Variants in ZNF79 observed in about 807,000 individuals in gnomAD.
ZNF79 encodes the protein zinc finger protein 79.
A neutral mutation model predicts 14.9 loss-of-function variants in ZNF79; 13 were observed. The observed-to-expected ratio is 0.87, with a 90% CI of 0.57 to 1.38. The LOEUF is 1.38. ZNF79 is among the 40% of genes most tolerant of loss of function. The probability of loss-of-function intolerance (pLI) is 0.00; values close to 1 mark genes in which losing one functional copy is unlikely to be tolerated. For synonymous variants in ZNF79, 223 were observed against 235.1 expected (o/e 0.95, Z 0.47); for missense variants, 631 against 630.6 (o/e 1.00, Z -0.01).
rs1231142061 is a variant in ZNF79 at position 127,444,590 on chromosome 9, G to A, written c.890G>A (p.Arg297Lys). The A allele has an allele frequency of 6.2e-7, 1 of 1,613,696 alleles. No homozygotes were observed. Among genetic ancestry groups the A allele is most frequent in the African/African-American group, 1.3e-5 (1 of 74,770 alleles). Residue 297 changes from arginine to lysine, a missense_variant, in exon 5 of 5, where the codon AGA becomes AAA. Physicochemically the swap from Arg to Lys is conservative, Grantham distance 26. Coordinates refer to ENST00000342483, the MANE Select transcript of ZNF79 (RefSeq NM_007135.3). ...SDCSALVQHQ[R>K]IHTGEKPYEC... ...TGCTCAGCTCTTGTTCAGCATCAGA[G>A]AATTCATACCGGAGAGAAGCCCTAC...
chr9:127,444,554 CCTT>C lies in ZNF79; in HGVS notation c.856_858del (p.Phe286del), dbSNP rs1186401428. On this transcript the variant is annotated inframe_deletion, in exon 5 of 5. Coordinates refer to ENST00000342483, the MANE Select transcript of ZNF79 (RefSeq NM_007135.3). Reference sequence around the variant, plus strand: ...TACAGATGCAGCGAGTGTGAGAAAGCCTTCAGTGACTGCTCAGCTCTTGTTCAG... The same window carrying C: ...TACAGATGCAGCGAGTGTGAGAAAGCCAGTGACTGCTCAGCTCTTGTTCAG... The C allele has an allele frequency of 6.2e-7, 1 of 1,614,018 alleles. No individual in the cohort carries two copies. Among genetic ancestry groups the C allele is most frequent in the Non-Finnish European group, 8.5e-7 (1 of 1,180,032 alleles).
chr9:127,435,819 C>G (rs1401906587), intron 3 of ZNF79, 89 bp from the exon 4 acceptor site: 8 of 997,128 alleles, frequency 8.0e-6, no homozygotes, highest in Non-Finnish European at 1.3e-5. Flanking sequence ...AATGAACAGT[C>G]CAACTGGCCT....
intron 1 of ZNF79, among the ~76,000 whole-genome samples, chr9:127,426,198 C>T (rs538784978): frequency 7.9e-5 from 12 of 152,260 alleles, no homozygotes; most frequent in Admixed American, 7.9e-4. Context: ...AGTCTTGCAA[C>T]CATCACTATT....
At chr9:127,428,020 A>G (rs1833792268) in intron 1 of ZNF79, among the ~76,000 whole-genome samples, 1 of 151,826 alleles carries the variant, frequency 6.6e-6, no homozygotes, top group Non-Finnish European at 1.5e-5. Flanking sequence ...TCACTCTGTC[A>G]ACCAGGCTGC....
Position 127,445,036 on chromosome 9 carries a change from G to A in ZNF79, c.1336G>A (p.Glu446Lys). The A allele has an allele frequency of 6.8e-6, 11 of 1,614,024 alleles. No individual in the cohort carries two copies. The highest frequency in any genetic ancestry group is 9.3e-6 in the Non-Finnish European group (11 of 1,180,020). Residue 446 changes from glutamate (E) to lysine (K), a missense_variant, in exon 5 of 5, where the codon GAG (glutamate) becomes AAG (lysine). Physicochemically the swap from Glu to Lys is moderately conservative, Grantham distance 56 (BLOSUM62 1). Transcript: ENST00000342483. The part of the protein sequence containing the change: ...HIIHTGEKPY[E>K]CNECGKAFNQ... ...AATCCACACCGGAGAAAAACCTTAT[G>A]AGTGTAATGAGTGTGGTAAAGCGTT...
In ZNF79 at chr9:127,444,133, A is replaced by G. The variant is rs751759138; in HGVS notation, c.433A>G (p.Ser145Gly). ...MPPGDSDHGT[S>G]DLEKSFNLRP... is the part of the protein sequence containing the mutation. Reference sequence around the variant, plus strand: ...CCCTGGGGATTCAGACCACGGGACCAGTGACCTTGAGAAGAGCTTCAATCT... The same window carrying G: ...CCCTGGGGATTCAGACCACGGGACCGGTGACCTTGAGAAGAGCTTCAATCT... The change falls in exon 5 of 5, where the codon AGT becomes GGT. Residue 145 changes from serine (S) to glycine (G), a missense_variant. Transcript: ENST00000342483. The G allele has an allele frequency of 1.3e-5, 21 of 1,613,566 alleles. No individual in the cohort carries two copies. Among genetic ancestry groups the G allele is most frequent in the Non-Finnish European group, 1.8e-5 (21 of 1,180,038 alleles).
chr9:127,435,360 C>G, intron 3 of ZNF79, 144 bp downstream of exon 3: 1 of 1,011,478 alleles, frequency 9.9e-7, no homozygotes, highest in East Asian at 2.9e-5. Flanking sequence ...GGGAAGGTCT[C>G]TGCATGCTCA....
At position 127,445,229 on chromosome 9, in the gene ZNF79, G is replaced by T. The variant is rs779807527; in HGVS notation, c.*32G>T. The T allele has an allele frequency of 6.2e-7, 1 of 1,601,994 alleles. No individual in the cohort carries two copies. The highest frequency in any genetic ancestry group is 8.5e-7 in the Non-Finnish European group (1 of 1,172,420). Reference sequence around the variant, plus strand: ...ACATGGTAGAAGTGGAGAGAGTCCCGGACATGCCGACTCAGGACAGGTGGG... The same window carrying T: ...ACATGGTAGAAGTGGAGAGAGTCCCTGACATGCCGACTCAGGACAGGTGGG... On this transcript the variant is annotated 3_prime_UTR_variant, in exon 5 of 5. Coordinates refer to ENST00000342483, the MANE Select transcript of ZNF79 (RefSeq NM_007135.3).
intron 4 of ZNF79, among the ~76,000 whole-genome samples, chr9:127,438,007 G>C (rs1408544572): frequency 6.6e-6 from 1 of 152,168 alleles, no homozygotes; most frequent in East Asian, 1.9e-4. Context: ...CCAAGAAGGT[G>C]CTCTGAGGCA....
intron 4 of ZNF79, among the ~76,000 whole-genome samples, chr9:127,437,345 C>A (rs992643746): frequency 2.6e-5 from 4 of 151,766 alleles, no homozygotes; most frequent in South Asian, 2.1e-4. Flanking sequence ...AAGGCCCCCC[C>A]CCGCTGCCTG....
At chr9:127,432,181 A>C (rs1242980578) in intron 2 of ZNF79, among the ~76,000 whole-genome samples, 1 of 135,456 alleles carries the variant, frequency 7.4e-6, no homozygotes, top group Non-Finnish European at 1.5e-5. Context: ...ATGGAGTCTG[A>C]CTGTCGCCCA....
At chr9:127,436,325 ATTG>A (rs1172942417) in intron 4 of ZNF79, among the ~76,000 whole-genome samples, 1 of 152,066 alleles carries the variant, frequency 6.6e-6, no homozygotes, top group African/African-American at 2.4e-5. Context: ...ATCCTTCCTT[ATTG>A]TTGGGAAGCA....
At position 127,445,304 on chromosome 9, in the gene ZNF79, C is replaced by G. The variant is rs1457833072; in HGVS notation, c.*107C>G. 2.4e-6 allele frequency: 3 copies of G among 1,262,776 alleles called. No homozygotes were observed. The Admixed American group carries it at 6.9e-5, about 29-fold the overall frequency. 78.2% of individuals were successfully genotyped at this position (1,262,776 alleles called of 1,614,324 possible). On this transcript the variant is annotated 3_prime_UTR_variant, in exon 5 of 5. Transcript: ENST00000342483. ...CTTGAAAGCATCTGAAGACATCTAA[C>G]TTAGAGTCTGCAGCCCAGAGCCACA...
Position 127,424,615 on chromosome 9 carries a change from C to T in ZNF79, c.-173C>T. ...CCCGGCTGGGCAGGCCCGGACAGCTCCCGCGACCCAGCACCGCAGGATCAG... is the reference window on the plus strand; with the variant it reads ...CCCGGCTGGGCAGGCCCGGACAGCTTCCGCGACCCAGCACCGCAGGATCAG... On this transcript the variant is annotated 5_prime_UTR_variant, in exon 1 of 5. Transcript: ENST00000342483. 5.2e-6 allele frequency: 5 copies of T among 968,906 alleles called. No individual in the cohort carries two copies. The East Asian group carries it at 1.3e-4, about 26-fold the overall frequency. The allele number at this position is 968,906 out of a possible 1,614,324, so 60.0% of individuals were successfully genotyped here. A position where few individuals can be genotyped will look rare whatever the true frequency, so the allele number is the denominator to read the frequency against.
At chr9:127,439,017 C>G (rs951448172) in intron 4 of ZNF79, among the ~76,000 whole-genome samples, 17 of 151,962 alleles carry the variant, frequency 1.1e-4, no homozygotes, top group African/African-American at 4.1e-4. Flanking sequence ...GAGGCTGAGG[C>G]ACGAGAATCG....
At chr9:127,443,671 G>A (rs1042538928) in intron 4 of ZNF79, among the ~76,000 whole-genome samples, 1 of 152,120 alleles carries the variant, frequency 6.6e-6, no homozygotes, top group East Asian at 1.9e-4. Flanking sequence ...GGAGGCCGAG[G>A]CGGGTGGATC....
rs564539528 is a variant in ZNF79 at position 127,430,203 on chromosome 9, A to G, written c.105+1283A>G. 7.9e-5 allele frequency among the ~76,000 whole-genome samples: 12 copies of G among 152,310 alleles called. No homozygotes were observed. The South Asian group carries it at 2.5e-3, about 32-fold the overall frequency. ...TTCCACTTACCAGAATTCGATGAACATTCTCCCATTTCACTGCATATTCTA... is the reference window on the plus strand; with the variant it reads ...TTCCACTTACCAGAATTCGATGAACGTTCTCCCATTTCACTGCATATTCTA... On this transcript the variant is annotated intron_variant, in intron 2 of 4. Coordinates refer to ENST00000342483, the MANE Select transcript of ZNF79 (RefSeq NM_007135.3).
chr9:127,429,195 T>A (rs1833816099), intron 2 of ZNF79, among the ~76,000 whole-genome samples: 1 of 152,090 alleles, frequency 6.6e-6, no homozygotes, highest in South Asian at 2.1e-4. Context: ...TTTGTATTTT[T>A]AGTAGAGATG....
chr9:127,434,904 T>A (rs80307715), intron 2 of ZNF79, among the ~76,000 whole-genome samples, 186 bp from the exon 3 acceptor site: 1 of 152,142 alleles, frequency 6.6e-6, no homozygotes, highest in Non-Finnish European at 1.5e-5. Context: ...CTGCCTCACC[T>A]CTTGGCCTCC....
Sources: gnomAD v4.1 joint callset for allele counts (sites outside exome capture counted in the v4.1 genomes callset) on GRCh38, gnomAD v4.1.1 for gene constraint, MANE v1.5 for transcripts, NCBI Gene and HGNC (gene_info 2026-07-23, HGNC 2026-07-21) for gene names.